Variants in THEMIS observed in about 807,000 individuals in gnomAD.
The protein encoded by THEMIS is protein THEMIS.
A neutral mutation model predicts 52.6 loss-of-function variants in THEMIS; 37 were observed. That is an observed-to-expected ratio of 0.70 (90% CI 0.54 to 0.93). The LOEUF is 0.93. THEMIS is among the 40% of genes least tolerant of loss of function. The pLI, the probability that THEMIS is intolerant of heterozygous loss-of-function variation, is 0.00. For missense variants in THEMIS, 808 were observed against 763.1 expected, an observed-to-expected ratio of 1.06 and a Z score of -0.69; for synonymous variants, 292 against 272.7, an observed-to-expected ratio of 1.07 and a Z score of -0.70.
chr6:127,717,691 C>A (rs910719546), intron 5 of THEMIS, among the ~76,000 whole-genome samples: 1 of 151,838 alleles, frequency 6.6e-6, no homozygotes, highest in African/African-American at 2.4e-5. Context: ...ACCAAGATAA[C>A]TAGTTTCCTT....
chr6:127,741,859 C>T (rs554126069), intron 4 of THEMIS, among the ~76,000 whole-genome samples: 1 of 151,884 alleles, frequency 6.6e-6, no homozygotes, highest in African/African-American at 2.4e-5. Context: ...CTGGCAGTAG[C>T]GAAAATGATA....
At chr6:127,880,250 G>A (rs1182358475) in intron 1 of THEMIS, among the ~76,000 whole-genome samples, 1 of 152,084 alleles carries the variant, frequency 6.6e-6, no homozygotes, top group African/African-American at 2.4e-5. Context: ...AAAGTTAAAA[G>A]GAGGATGGAA....
intron 4 of THEMIS, among the ~76,000 whole-genome samples, chr6:127,779,752 C>A (rs1043165175): frequency 1.3e-5 from 2 of 152,054 alleles, no homozygotes; most frequent in African/African-American, 2.4e-5. Context: ...AATTTCATAA[C>A]CTCTCTTGGC....
At chr6:127,815,743 G>A (rs921940110) in intron 3 of THEMIS, among the ~76,000 whole-genome samples, 1 of 152,134 alleles carries the variant, frequency 6.6e-6, no homozygotes, top group Non-Finnish European at 1.5e-5. Flanking sequence ...ATCAAAATGA[G>A]CTAGGTTTAA....
intron 4 of THEMIS, among the ~76,000 whole-genome samples, chr6:127,769,421 CT>C (rs35637783): frequency 0.037 from 5,542 of 149,284 alleles, 133 homozygotes; most frequent in Middle Eastern, 0.06. Flanking sequence ...ATGTTCTTTG[CT>C]TTTTCCCAGG....
chr6:127,738,710 T>C lies in THEMIS; in HGVS notation c.1759-18887A>G, dbSNP rs567542605. On this transcript the variant is annotated intron_variant, in intron 4 of 5. Transcript: ENST00000368248. ...TTGGAAGTCTTTCTACTTGATAACC[T>C]TGGAAATTTCCGTTTAGCCCTTGAG... 2.0e-5 allele frequency among the ~76,000 whole-genome samples: 3 copies of C among 152,322 alleles called. No homozygotes were observed. The South Asian group carries it at 6.2e-4, about 32-fold the overall frequency.
At chr6:127,894,092 C>G (rs36082631) in intron 1 of THEMIS, among the ~76,000 whole-genome samples, 9,889 of 151,544 alleles carry the variant, frequency 0.065, 448 homozygotes, top group Non-Finnish European at 0.1. Context: ...AAGAGTGAAC[C>G]AGATAGATGT....
At chr6:127,707,659 AC>A (rs1274371611), downstream of THEMIS, among the ~76,000 whole-genome samples, 4 of 152,126 alleles carry the variant, frequency 2.6e-5, no homozygotes, top group Admixed American at 6.6e-5. Context: ...AGTCCAGCCT[AC>A]CGGGGTTATA....
intron 1 of THEMIS, among the ~76,000 whole-genome samples, chr6:127,866,147 A>G (rs1431582828): frequency 6.6e-6 from 1 of 152,048 alleles, no homozygotes; most frequent in Non-Finnish European, 1.5e-5. Flanking sequence ...TCTTCCTTAT[A>G]TCTTTTTTAG....
chr6:127,776,557 G>T (rs772988552), intron 4 of THEMIS, among the ~76,000 whole-genome samples: 3 of 152,210 alleles, frequency 2.0e-5, no homozygotes, highest in Non-Finnish European at 4.4e-5. Context: ...CAATTTTGAT[G>T]AATGTAGCCC....
At chr6:127,757,597 C>T (rs1775874119) in intron 4 of THEMIS, among the ~76,000 whole-genome samples, 1 of 152,110 alleles carries the variant, frequency 6.6e-6, no homozygotes, top group African/African-American at 2.4e-5. Context: ...ATTCTCCTGC[C>T]TCAGCCTCCC....
At chr6:127,916,400 T>A (rs1015909148) in intron 1 of THEMIS, among the ~76,000 whole-genome samples, 2 of 152,134 alleles carry the variant, frequency 1.3e-5, no homozygotes, top group African/African-American at 4.8e-5. Context: ...GTTCCTCCTG[T>A]CATGGCAGAG....
chr6:127,835,007 A>G (rs967677583), intron 2 of THEMIS, among the ~76,000 whole-genome samples: 11 of 152,150 alleles, frequency 7.2e-5, no homozygotes, highest in Non-Finnish European at 1.5e-4. Flanking sequence ...AGGAGAGAGA[A>G]TGTGAGAAAT....
chr6:127,761,873 C>T (rs575048274), intron 4 of THEMIS, among the ~76,000 whole-genome samples: 1 of 152,198 alleles, frequency 6.6e-6, no homozygotes, highest in East Asian at 1.9e-4. Context: ...AATAGAACTA[C>T]CATATGATCC....
At chr6:127,781,697 C>T (rs1471861168) in intron 4 of THEMIS, among the ~76,000 whole-genome samples, 1 of 152,148 alleles carries the variant, frequency 6.6e-6, no homozygotes, top group East Asian at 1.9e-4. Context: ...ACTCCAGACC[C>T]TGTTTGCCTG....
chr6:127,729,891 G>T (rs12206811), intron 4 of THEMIS, among the ~76,000 whole-genome samples: 65,275 of 152,006 alleles, frequency 0.43, 15,399 homozygotes, highest in Non-Finnish European at 0.54. Flanking sequence ...ATGATGCATA[G>T]GTTTCAAAAA....
chr6:127,794,098 G>C (rs974752389), intron 4 of THEMIS, among the ~76,000 whole-genome samples: 2 of 152,216 alleles, frequency 1.3e-5, no homozygotes, highest in African/African-American at 4.8e-5. Context: ...ATTACTTAAT[G>C]AGAGTAAGAG....
At chr6:127,875,570 G>T (rs1268323774) in intron 1 of THEMIS, among the ~76,000 whole-genome samples, 1 of 152,142 alleles carries the variant, frequency 6.6e-6, no homozygotes, top group Non-Finnish European at 1.5e-5. Flanking sequence ...AATCTGAGCT[G>T]CCCAATACTG....
At chr6:127,730,312 AAAAGAG>A (rs1425051674) in intron 4 of THEMIS, among the ~76,000 whole-genome samples, 1 of 142,998 alleles carries the variant, frequency 7.0e-6, no homozygotes, top group African/African-American at 2.9e-5. Context: ...AAAAGAAAAG[AAAAGAG>A]AAAAAAAGAA....
Sources: allele counts gnomAD v4.1 joint callset (sites outside exome capture counted in the v4.1 genomes callset), GRCh38; gene constraint gnomAD v4.1.1; transcripts MANE v1.5; gene names NCBI Gene and HGNC (gene_info 2026-07-23, HGNC 2026-07-21).